Variants in LYPLA1 observed in about 807,000 individuals in gnomAD.
The protein encoded by LYPLA1 is acyl-protein thioesterase 1.
Under a neutral mutation model 34.0 loss-of-function variants are expected in LYPLA1, and 17 were observed. The ratio of observed to expected loss-of-function variants is 0.50; its 90% confidence interval spans 0.34 to 0.75. The LOEUF is 0.75. Among genes scored for constraint, LYPLA1 ranks in the 30% least tolerant of loss-of-function variants. The pLI, the probability that LYPLA1 is intolerant of heterozygous loss-of-function variation, is 0.01. For synonymous variants in LYPLA1, 98 were observed against 100.8 expected, an observed-to-expected ratio of 0.97 and a Z score of 0.17; for missense variants, 203 against 288.8, an observed-to-expected ratio of 0.70 and a Z score of 2.15.
intron 6 of LYPLA1, 90 bp downstream of exon 6, chr8:54,054,970 A>T: frequency 1.3e-6 from 1 of 776,904 alleles, no homozygotes; most frequent in South Asian, 1.6e-5. Context: ...CTATAACATC[A>T]AAAAAGACTA....
intron 2 of LYPLA1, among the ~76,000 whole-genome samples, chr8:54,089,199 T>G (rs1809021238): frequency 6.6e-6 from 1 of 152,216 alleles, no homozygotes; most frequent in Non-Finnish European, 1.5e-5. Context: ...GAGTGAAGTT[T>G]TTGGTATGTG....
At chr8:54,080,008 A>C (rs1462398957) in intron 2 of LYPLA1, among the ~76,000 whole-genome samples, 1 of 152,188 alleles carries the variant, frequency 6.6e-6, no homozygotes, top group East Asian at 1.9e-4. Flanking sequence ...AGGGATAACT[A>C]AATAAGTTTT....
chr8:54,089,564 T>C (rs1415333269), intron 2 of LYPLA1, among the ~76,000 whole-genome samples: 1 of 150,252 alleles, frequency 6.7e-6, no homozygotes, highest in Non-Finnish European at 1.5e-5. Flanking sequence ...ATGTATATAC[T>C]AACACTGTAA....
chr8:54,055,353 G>A (rs966999188), intron 5 of LYPLA1, among the ~76,000 whole-genome samples: 5 of 152,020 alleles, frequency 3.3e-5, no homozygotes, highest in South Asian at 2.1e-4. Flanking sequence ...TCAAATTTCC[G>A]ATAGTCACAC....
chr8:54,067,693 ATTT>A (rs762583097), intron 2 of LYPLA1, among the ~76,000 whole-genome samples: 1 of 135,504 alleles, frequency 7.4e-6, no homozygotes. Context: ...ATGAATGTTA[ATTT>A]TTTTTTTTTT....
intron 2 of LYPLA1, among the ~76,000 whole-genome samples, chr8:54,085,507 G>A (rs1295391042): frequency 5.3e-5 from 8 of 151,192 alleles, no homozygotes; most frequent in Admixed American, 6.6e-5. Context: ...ACCTCTTCCC[G>A]GCCGTCATCC....
chr8:54,086,438 TAAAAA>T (rs768755796), intron 2 of LYPLA1, among the ~76,000 whole-genome samples: 36 of 34,668 alleles, frequency 1.0e-3, no homozygotes, highest in African/African-American at 3.8e-3. Flanking sequence ...CTAAAAAAAT[TAAAAA>T]AAAAAAAAAA....
intron 2 of LYPLA1, chr8:54,073,317 G>C: frequency 1.2e-6 from 1 of 866,488 alleles, no homozygotes. Flanking sequence ...TCTATGGACG[G>C]AACTGTGAGC....
chr8:54,085,732 C>G (rs1808683224), intron 2 of LYPLA1, among the ~76,000 whole-genome samples: 1 of 150,774 alleles, frequency 6.6e-6, no homozygotes, highest in Non-Finnish European at 1.5e-5. Flanking sequence ...TGAGGAGCCC[C>G]TCCGCCCGGC....
intron 2 of LYPLA1, among the ~76,000 whole-genome samples, chr8:54,082,519 A>G (rs1039891861): frequency 6.6e-6 from 1 of 152,032 alleles, no homozygotes; most frequent in African/African-American, 2.4e-5. Context: ...GGATCTCACT[A>G]TGTTGCCCAG....
At chr8:54,092,821 AAAAAC>A (rs752243466) in intron 2 of LYPLA1, among the ~76,000 whole-genome samples, 4 of 152,160 alleles carry the variant, frequency 2.6e-5, no homozygotes, top group African/African-American at 4.8e-5. Flanking sequence ...GTCTCTACTT[AAAAAC>A]AAAACAAAAC....
chr8:54,097,482 G>A (rs1418873836), intron 2 of LYPLA1, among the ~76,000 whole-genome samples: 1 of 152,186 alleles, frequency 6.6e-6, no homozygotes. Flanking sequence ...TGACTAGGGA[G>A]GAGATAGCTA....
At chr8:54,052,119 G>C (rs760744331) in intron 7 of LYPLA1, among the ~76,000 whole-genome samples, 22 of 152,186 alleles carry the variant, frequency 1.4e-4, no homozygotes, top group Middle Eastern at 3.4e-3. Context: ...CCAAAGTGCT[G>C]GGATTACAGG....
At chr8:54,067,901 A>T (rs1380616406) in intron 2 of LYPLA1, among the ~76,000 whole-genome samples, 1 of 151,842 alleles carries the variant, frequency 6.6e-6, no homozygotes, top group Non-Finnish European at 1.5e-5. Context: ...GTTAGCCAGG[A>T]TGGTCTTGAT....
chr8:54,052,930 G>A (rs969240903), intron 6 of LYPLA1, 174 bp from the exon 7 acceptor site: 27 of 554,714 alleles, frequency 4.9e-5, no homozygotes, highest in Middle Eastern at 2.8e-4. Context: ...TAAAGGATGC[G>A]GTTCTCTACA....
At position 54,072,857 on chromosome 8, in the gene LYPLA1, G is replaced by A. The variant is rs530169794; in HGVS notation, c.102-7044C>T. ...TAGCCAGGCGTGGTGGTGCGTGCCT[G>A]TAGTCCCAGCTACTCAGGAGGCTGA... On this transcript the variant is annotated intron_variant, in intron 2 of 8. Coordinates refer to ENST00000316963, the MANE Select transcript of LYPLA1 (RefSeq NM_006330.4). Among the ~76,000 whole-genome samples the A allele has an allele frequency of 6.0e-5, 9 of 150,268 alleles. No individual in the cohort carries two copies. The South Asian group carries it at 1.9e-3, about 32-fold the overall frequency.
chr8:54,096,393 A>C (rs1254791454), intron 2 of LYPLA1, among the ~76,000 whole-genome samples: 1 of 152,206 alleles, frequency 6.6e-6, no homozygotes, highest in Non-Finnish European at 1.5e-5. Flanking sequence ...ACTTGAGGTC[A>C]GGAGTTCGAG....
At chr8:54,050,944 C>G in intron 8 of LYPLA1, 68 bp downstream of exon 8, 1 of 1,478,992 alleles carries the variant, frequency 6.8e-7, no homozygotes, top group Non-Finnish European at 9.2e-7. Flanking sequence ...TCAAATGTTA[C>G]TTTTCTTGAA....
chr8:54,082,281 T>TC lies in LYPLA1; in HGVS notation c.102-16469dup, dbSNP rs762076494. Among the ~76,000 whole-genome samples the TC allele has an allele frequency of 3.9e-5, 6 of 152,260 alleles. No individual in the cohort carries two copies. In the South Asian group the frequency reaches 6.2e-4, roughly 16 times the overall value. ...GAGCAGTAAGACAGAGGACAGGTTT[T>TC]CCCCACAACGCACACGCACATACAT... On this transcript the variant is annotated intron_variant, in intron 2 of 8. Transcript: ENST00000316963.
Sources: gnomAD v4.1 joint callset for allele counts (sites outside exome capture counted in the v4.1 genomes callset) on GRCh38, gnomAD v4.1.1 for gene constraint, MANE v1.5 for transcripts, NCBI Gene and HGNC (gene_info 2026-07-23, HGNC 2026-07-21) for gene names.